GXYLT2: variants seen among roughly 807,000 people sequenced by gnomAD.
The protein encoded by GXYLT2 is glucoside xylosyltransferase 2.
A neutral mutation model predicts 45.8 loss-of-function variants in GXYLT2; 53 were observed. That is an observed-to-expected ratio of 1.16 (90% CI 0.93 to 1.46). GXYLT2 has a LOEUF of 1.46. Among genes scored for constraint, GXYLT2 ranks in the 40% most tolerant of loss-of-function variants. The pLI is 0.00. For synonymous variants in GXYLT2, 219 were observed against 214.2 expected (o/e 1.02, Z -0.19); for missense variants, 551 against 544.4 (o/e 1.01, Z -0.12).
chr3:72,954,253 G>A (rs564576453), intron 3 of GXYLT2, among the ~76,000 whole-genome samples: 5 of 151,142 alleles, frequency 3.3e-5, no homozygotes, highest in African/African-American at 1.2e-4. Flanking sequence ...GACTACAGGC[G>A]CACACCACCA....
intron 6 of GXYLT2, among the ~76,000 whole-genome samples, chr3:72,968,979 G>A (rs1710930395): frequency 1.3e-5 from 2 of 152,098 alleles, no homozygotes; most frequent in Non-Finnish European, 2.9e-5. Context: ...GCTGAGGCAG[G>A]AGAATGGCAT....
intron 2 of GXYLT2, among the ~76,000 whole-genome samples, chr3:72,912,687 C>A (rs1313303714): frequency 6.6e-6 from 1 of 152,184 alleles, no homozygotes; most frequent in Non-Finnish European, 1.5e-5. Flanking sequence ...AGCCAACAGC[C>A]AGCCCCAACG....
intron 3 of GXYLT2, among the ~76,000 whole-genome samples, chr3:72,950,500 T>A (rs1710501223): frequency 6.6e-6 from 1 of 151,822 alleles, no homozygotes; most frequent in Non-Finnish European, 1.5e-5. Context: ...CCGCGGTAAC[T>A]CATGCCTGTG....
intron 3 of GXYLT2, chr3:72,928,909 G>A (rs1469575894): frequency 4.3e-6 from 3 of 693,102 alleles, no homozygotes; most frequent in Admixed American, 2.1e-5. Context: ...GGAACCCGGC[G>A]TTCGTCCCCC....
At chr3:72,945,715 C>G (rs1710390722) in intron 3 of GXYLT2, among the ~76,000 whole-genome samples, 1 of 152,182 alleles carries the variant, frequency 6.6e-6, no homozygotes, top group Non-Finnish European at 1.5e-5. Flanking sequence ...ACCAGCAGGC[C>G]TGGGAAGTTG....
At chr3:72,903,224 A>T (rs11128299) in intron 1 of GXYLT2, among the ~76,000 whole-genome samples, 6 of 152,204 alleles carry the variant, frequency 3.9e-5, no homozygotes, top group African/African-American at 1.4e-4. Context: ...TTAGGAGGCA[A>T]TAGGTCTTAC....
intron 2 of GXYLT2, among the ~76,000 whole-genome samples, chr3:72,921,192 AT>A (rs200733210): frequency 8.6e-5 from 13 of 151,680 alleles, no homozygotes; most frequent in South Asian, 2.1e-4. Flanking sequence ...AAAAAAAAAA[AT>A]TTATAGTTTT....
At chr3:72,894,937 C>G (rs1256935888) in intron 1 of GXYLT2, among the ~76,000 whole-genome samples, 1 of 152,178 alleles carries the variant, frequency 6.6e-6, no homozygotes, top group African/African-American at 2.4e-5. Context: ...ACTGGACTCT[C>G]TCCCCTGTAT....
chr3:72,957,104 C>T, intron 4 of GXYLT2, 125 bp from the exon 5 acceptor site: 1 of 978,608 alleles, frequency 1.0e-6, no homozygotes, highest in Non-Finnish European at 1.5e-6. Flanking sequence ...CTGAGAATAG[C>T]AGGACCCCTC....
chr3:72,967,599 G>A lies in GXYLT2; in HGVS notation c.1029G>A (p.Met343Ile). ...CQWNYRPDHC[M>I]YGSNCREAEH... ...GGAACTACCGTCCCGATCACTGCAT[G>A]TACGGAAGCAACTGCAGAGAGGCTG... Residue 343 changes from methionine to isoleucine, a missense_variant, in exon 6 of 7, where the codon ATG becomes ATA. Coordinates refer to ENST00000389617, the MANE Select transcript of GXYLT2 (RefSeq NM_001080393.2). The A allele has an allele frequency of 6.2e-7, 1 of 1,613,738 alleles. No homozygotes were observed. Among genetic ancestry groups the A allele is most frequent in the Non-Finnish European group, 8.5e-7 (1 of 1,179,688 alleles).
chr3:72,943,248 A>G (rs908041892), intron 3 of GXYLT2, among the ~76,000 whole-genome samples: 1 of 152,228 alleles, frequency 6.6e-6, no homozygotes. Flanking sequence ...AACTTCTCAA[A>G]ATGTATTTGG....
chr3:72,973,250 T>C (rs1334621629), intron 6 of GXYLT2, among the ~76,000 whole-genome samples: 1 of 152,148 alleles, frequency 6.6e-6, no homozygotes, highest in Non-Finnish European at 1.5e-5. Flanking sequence ...GTCCTAGACT[T>C]ATCAGATGGA....
chr3:72,906,831 G>C (rs1393699837), intron 1 of GXYLT2, among the ~76,000 whole-genome samples: 1 of 152,220 alleles, frequency 6.6e-6, no homozygotes, highest in Non-Finnish European at 1.5e-5. Flanking sequence ...GTCTCTCCAG[G>C]TTGGAGTGCT....
chr3:72,902,811 G>A (rs975253905), intron 1 of GXYLT2, among the ~76,000 whole-genome samples: 14 of 152,086 alleles, frequency 9.2e-5, no homozygotes, highest in African/African-American at 2.9e-4. Flanking sequence ...TCAGGAGTTT[G>A]AGACCAGCCT....
chr3:72,890,047 G>T (rs149281243), intron 1 of GXYLT2, among the ~76,000 whole-genome samples: 1 of 152,058 alleles, frequency 6.6e-6, no homozygotes, highest in Admixed American at 6.6e-5. Flanking sequence ...CAGCCTGCCA[G>T]GTAGCTGGCA....
chr3:72,961,841 G>T (rs989195066), intron 5 of GXYLT2, among the ~76,000 whole-genome samples: 1 of 152,158 alleles, frequency 6.6e-6, no homozygotes, highest in Non-Finnish European at 1.5e-5. Flanking sequence ...AGAAAACTGA[G>T]ATGTGGGTAG....
chr3:72,927,615 C>G (rs1371922357), intron 3 of GXYLT2, among the ~76,000 whole-genome samples: 1 of 152,160 alleles, frequency 6.6e-6, no homozygotes, highest in Non-Finnish European at 1.5e-5. Flanking sequence ...ATCCTTGCAA[C>G]AAACCCTTTG....
chr3:72,972,747 C>A (rs1383554064), intron 6 of GXYLT2, among the ~76,000 whole-genome samples: 1 of 141,110 alleles, frequency 7.1e-6, no homozygotes, highest in African/African-American at 2.7e-5. Flanking sequence ...TAGTGAGATG[C>A]GTCTCTACAA....
At chr3:72,908,209 A>G (rs948678569) in intron 1 of GXYLT2, 158 bp from the exon 2 acceptor site, 2 of 597,190 alleles carry the variant, frequency 3.3e-6, no homozygotes, top group East Asian at 5.7e-5. Context: ...ATTTTTCTCT[A>G]AGCAGGAAGA....
Sources: gnomAD v4.1 joint callset for allele counts (sites outside exome capture counted in the v4.1 genomes callset) on GRCh38, gnomAD v4.1.1 for gene constraint, MANE v1.5 for transcripts, NCBI Gene and HGNC (gene_info 2026-07-23, HGNC 2026-07-21) for gene names.